SYNPR: variants seen among roughly 807,000 people sequenced by gnomAD.
SYNPR encodes synaptoporin.
In SYNPR, 23 loss-of-function variants were observed where a neutral mutation model predicts 32.9. That is an observed-to-expected ratio of 0.70 (90% CI 0.50 to 0.99). The LOEUF is 0.99. Among genes scored for constraint, SYNPR ranks in the 50% least tolerant of loss-of-function variants. The probability of loss-of-function intolerance (pLI) is 0.00; values close to 1 mark genes in which losing one functional copy is unlikely to be tolerated. For missense variants in SYNPR, 318 were observed against 349.3 expected, an observed-to-expected ratio of 0.91 and a Z score of 0.71; for synonymous variants, 146 against 135.9, an observed-to-expected ratio of 1.07 and a Z score of -0.52.
chr3:63,351,033 T>G (rs1372721946), intron 2 of SYNPR, among the ~76,000 whole-genome samples: 1 of 152,304 alleles, frequency 6.6e-6, no homozygotes, highest in East Asian at 1.9e-4. Context: ...CATTATGCTT[T>G]CTTGCATTTT....
intron 2 of SYNPR, among the ~76,000 whole-genome samples, chr3:63,256,912 C>T (rs186011725): frequency 2.6e-5 from 4 of 152,236 alleles, no homozygotes; most frequent in Non-Finnish European, 5.9e-5. Flanking sequence ...ACGAGAACTA[C>T]GTGACGAATG....
chr3:63,393,803 G>A (rs1432092418), intron 2 of SYNPR, among the ~76,000 whole-genome samples: 1 of 151,974 alleles, frequency 6.6e-6, no homozygotes, highest in East Asian at 1.9e-4. Context: ...GAGCCGCAGT[G>A]GCTTGTTTCT....
intron 4 of SYNPR, among the ~76,000 whole-genome samples, chr3:63,563,101 G>A (rs979054949): frequency 6.6e-6 from 1 of 152,068 alleles, no homozygotes; most frequent in Admixed American, 6.5e-5. Flanking sequence ...AAAATTGGAG[G>A]CACTTTCCTT....
At chr3:63,275,251 C>T (rs1330976814), upstream of SYNPR, among the ~76,000 whole-genome samples, 1 of 152,138 alleles carries the variant, frequency 6.6e-6, no homozygotes. Context: ...CTTTAGGGAA[C>T]CCAATGTTAT....
chr3:63,494,466 TAC>T (rs1487285940), intron 3 of SYNPR, among the ~76,000 whole-genome samples: 1 of 122,828 alleles, frequency 8.1e-6, no homozygotes, highest in African/African-American at 3.3e-5. Context: ...TATACATATA[TAC>T]ACATATATAC....
At chr3:63,501,494 C>CAAAAAAAAAAAA (rs377290258) in intron 3 of SYNPR, among the ~76,000 whole-genome samples, 38 of 96,642 alleles carry the variant, frequency 3.9e-4, no homozygotes, top group East Asian at 8.0e-4. Flanking sequence ...CTCCCCCAAC[C>CAAAAAAAAAAAA]AAAAAAAAAA....
intron 2 of SYNPR, chr3:63,443,230 C>T: frequency 7.2e-7 from 1 of 1,396,362 alleles, no homozygotes; most frequent in Non-Finnish European, 9.3e-7. Context: ...AATAATATGA[C>T]CGTTTTGCCA....
intron 1 of SYNPR, among the ~76,000 whole-genome samples, chr3:63,250,153 T>C (rs2086319963): frequency 6.6e-6 from 1 of 152,114 alleles, no homozygotes; most frequent in South Asian, 2.1e-4. Context: ...TAAATCATTG[T>C]ATATTTTCAA....
At chr3:63,344,345 G>A (rs2087409224) in intron 2 of SYNPR, among the ~76,000 whole-genome samples, 1 of 152,132 alleles carries the variant, frequency 6.6e-6, no homozygotes. Flanking sequence ...TCACAAGTCA[G>A]AAAGCTCTGG....
intron 3 of SYNPR, among the ~76,000 whole-genome samples, chr3:63,520,055 C>G (rs1701876373): frequency 6.6e-6 from 1 of 152,032 alleles, no homozygotes; most frequent in South Asian, 2.1e-4. Context: ...CTATTTTAAC[C>G]TGCTTTTTTC....
intron 5 of SYNPR, among the ~76,000 whole-genome samples, chr3:63,611,270 G>T (rs773621896): frequency 3.9e-5 from 6 of 152,182 alleles, no homozygotes; most frequent in Non-Finnish European, 7.3e-5. Context: ...CCAAATAATT[G>T]TTTCTTAGAG....
chr3:63,597,404 T>G (rs1210066745), intron 4 of SYNPR, among the ~76,000 whole-genome samples: 1 of 152,146 alleles, frequency 6.6e-6, no homozygotes, highest in Non-Finnish European at 1.5e-5. Flanking sequence ...ATTGCTTACT[T>G]GAAGGATCTG....
chr3:63,408,748 G>A (rs965821060), intron 2 of SYNPR, among the ~76,000 whole-genome samples: 2 of 152,094 alleles, frequency 1.3e-5, no homozygotes, highest in Non-Finnish European at 2.9e-5. Flanking sequence ...CTCACATGGG[G>A]CAAGGAAAGA....
At chr3:63,524,787 GA>G (rs1701976187) in intron 3 of SYNPR, among the ~76,000 whole-genome samples, 1 of 151,766 alleles carries the variant, frequency 6.6e-6, no homozygotes, top group South Asian at 2.1e-4. Context: ...ACTCCCAGCA[GA>G]TTCCAAGTAT....
chr3:63,250,538 T>A (rs935264729), intron 1 of SYNPR, among the ~76,000 whole-genome samples: 1 of 152,160 alleles, frequency 6.6e-6, no homozygotes, highest in Non-Finnish European at 1.5e-5. Flanking sequence ...GTTTTAATGA[T>A]GTCTGAGAAC....
At chr3:63,607,054 C>T (rs549291203) in intron 4 of SYNPR, among the ~76,000 whole-genome samples, 54 of 152,326 alleles carry the variant, frequency 3.5e-4, no homozygotes, top group African/African-American at 1.1e-3. Context: ...AAGGTCTTCA[C>T]ATGACTATTC....
At chr3:63,453,130 G>T (rs980535322) in intron 2 of SYNPR, among the ~76,000 whole-genome samples, 1 of 152,150 alleles carries the variant, frequency 6.6e-6, no homozygotes, top group Non-Finnish European at 1.5e-5. Flanking sequence ...CAGATGATTT[G>T]CATACACACT....
At chr3:63,300,266 G>A (rs1466382693) in intron 2 of SYNPR, among the ~76,000 whole-genome samples, 2 of 151,932 alleles carry the variant, frequency 1.3e-5, no homozygotes, top group African/African-American at 4.8e-5. Context: ...TTATTACTCA[G>A]GGTCCCCTTT....
chr3:63,487,809 T>G (rs1361668174), intron 3 of SYNPR, among the ~76,000 whole-genome samples: 1 of 152,208 alleles, frequency 6.6e-6, no homozygotes, highest in Admixed American at 6.5e-5. Context: ...CTTGGGAGGT[T>G]GGCATCGGTG....
Sources: allele counts gnomAD v4.1 joint callset (sites outside exome capture counted in the v4.1 genomes callset), GRCh38; gene constraint gnomAD v4.1.1; transcripts MANE v1.5; gene names NCBI Gene and HGNC (gene_info 2026-07-23, HGNC 2026-07-21).